The following BCO1 variants were observed in gnomAD, a reference collection of about 807,000 sequenced individuals.
BCO1 encodes the protein beta-carotene oxygenase 1.
In BCO1, 54 loss-of-function variants were observed where a neutral mutation model predicts 56.3. The ratio of observed to expected loss-of-function variants is 0.96; its 90% CI spans 0.77 to 1.20. The LOEUF (loss-of-function observed/expected upper bound fraction) is 1.20. BCO1 is among the 50% of genes most tolerant of loss of function. The pLI is 0.00. For missense variants in BCO1, 801 were observed against 690.9 expected, an observed-to-expected ratio of 1.16 and a Z score of -1.79; for synonymous variants, 318 against 266.1, an observed-to-expected ratio of 1.20 and a Z score of -1.90.
chr16:81,279,358 T>A (rs1907734006), intron 7 of BCO1, among the ~76,000 whole-genome samples: 1 of 152,186 alleles, frequency 6.6e-6, no homozygotes, highest in Non-Finnish European at 1.5e-5. Context: ...ACAATAATGT[T>A]CCATCCTCTT....
chr16:81,288,948 C>T (rs980882684), intron 10 of BCO1, among the ~76,000 whole-genome samples: 2 of 152,224 alleles, frequency 1.3e-5, no homozygotes, highest in African/African-American at 4.8e-5. Context: ...GTGTCACTGT[C>T]ATCTCCAAGG....
chr16:81,290,299 GACTGAAGCCTGCAC>G (rs1567468995), intron 10 of BCO1, 35 bp from the exon 11 acceptor site: 1 of 1,472,782 alleles, frequency 6.8e-7, no homozygotes, highest in Non-Finnish European at 9.5e-7. Context: ...TCATCCCTCC[GACTGAAGCCTGCAC>G]TTTTACGAAG....
At chr16:81,265,366 T>C (rs1906747886) in intron 5 of BCO1, among the ~76,000 whole-genome samples, 2 of 134,536 alleles carry the variant, frequency 1.5e-5, no homozygotes, top group Admixed American at 7.4e-5. Context: ...CATCCACCCA[T>C]CCACCCACCA....
chr16:81,255,423 A>G (rs1906068790), intron 2 of BCO1, among the ~76,000 whole-genome samples: 2 of 152,214 alleles, frequency 1.3e-5, no homozygotes, highest in Admixed American at 1.3e-4. Flanking sequence ...TTTGGTAAAA[A>G]AGTTGGAACC....
At chr16:81,284,036 A>G (rs886262939) in intron 8 of BCO1, among the ~76,000 whole-genome samples, 2 of 151,332 alleles carry the variant, frequency 1.3e-5, no homozygotes, top group African/African-American at 4.9e-5. Context: ...ATACAAAAAA[A>G]AAAAAAAGTA....
chr16:81,290,511 A>G lies in BCO1; in HGVS notation c.1578A>G (p.Lys526=). The G allele has an allele frequency of 6.2e-7, 1 of 1,614,154 alleles. No homozygotes were observed. The highest frequency in any genetic ancestry group is 2.2e-5 in the East Asian group (1 of 44,882). ...TTACAGACATGGACTGGGACACAAA[A>G]AAGCAGGCCGCTTCTGAGGAACAGC... ...LFITDMDWDT[K]KQAASEEQRD... is the part of the protein sequence containing the mutation. The change falls in exon 11 of 11, where the codon AAA becomes AAG. Residue 526 remains lysine, a synonymous_variant. Transcript: ENST00000258168.
At chr16:81,259,197 T>C (rs1449208255) in intron 2 of BCO1, among the ~76,000 whole-genome samples, 1 of 152,168 alleles carries the variant, frequency 6.6e-6, no homozygotes, top group African/African-American at 2.4e-5. Flanking sequence ...AATGTGTGTC[T>C]AAAATTATAT....
intron 2 of BCO1, among the ~76,000 whole-genome samples, chr16:81,258,302 G>C (rs771778182): frequency 2.3e-4 from 35 of 152,186 alleles, no homozygotes; most frequent in Non-Finnish European, 4.6e-4. Context: ...TATATTTTGA[G>C]GTTGGTCTCA....
intron 6 of BCO1, among the ~76,000 whole-genome samples, chr16:81,269,065 CTT>C (rs71146003): frequency 4.0e-4 from 33 of 83,084 alleles, no homozygotes; most frequent in East Asian, 1.5e-3. Context: ...TGCACCTGGT[CTT>C]TTTTTTTTTT....
chr16:81,247,068 A>C (rs893239018), intron 2 of BCO1, among the ~76,000 whole-genome samples: 1 of 152,136 alleles, frequency 6.6e-6, no homozygotes, highest in African/African-American at 2.4e-5. Flanking sequence ...GCTGTTGGCC[A>C]TTGAGCCAGT....
chr16:81,279,290 G>C (rs139713289), intron 7 of BCO1, among the ~76,000 whole-genome samples: 317 of 152,118 alleles, frequency 2.1e-3, no homozygotes, highest in African/African-American at 7.3e-3. Flanking sequence ...AAATAAAATA[G>C]AAGCTATCTT....
At chr16:81,245,152 A>G (rs960513006) in intron 1 of BCO1, among the ~76,000 whole-genome samples, 8 of 152,092 alleles carry the variant, frequency 5.3e-5, no homozygotes, top group African/African-American at 1.9e-4. Context: ...TAGGCTTCCC[A>G]AAGTGCTGGG....
intron 2 of BCO1, among the ~76,000 whole-genome samples, chr16:81,251,874 ATGTGTG>A (rs56069135): frequency 1.4e-5 from 2 of 146,694 alleles, no homozygotes; most frequent in Non-Finnish European, 3.0e-5. Flanking sequence ...ACACACATAT[ATGTGTG>A]TGTGTGTGTG....
chr16:81,274,901 CAAA>C (rs1233485146), intron 7 of BCO1, among the ~76,000 whole-genome samples: 1 of 124,566 alleles, frequency 8.0e-6, no homozygotes, highest in Non-Finnish European at 1.7e-5. Context: ...GACTCCATCT[CAAA>C]AAAAAAAAAA....
In BCO1 at chr16:81,248,405, C is replaced by CAAAAAAAAAA. The variant is rs372084002; in HGVS notation, c.193+2814_193+2823dup. On this transcript the variant is annotated intron_variant, in intron 2 of 10. Transcript: ENST00000258168. ...GCAACAAGAGCGAGGCTCCCTCTCACAAAAAAAAAAAAAAAAAAAAATTAT... is the reference window on the plus strand; with the variant it reads ...GCAACAAGAGCGAGGCTCCCTCTCACAAAAAAAAAAAAAAAAAAAAAAAAAAAAAAATTAT... Among the ~76,000 whole-genome samples the CAAAAAAAAAA allele has an allele frequency of 4.0e-3, 412 of 102,722 alleles. 10 individuals are homozygous for CAAAAAAAAAA. Among genetic ancestry groups the CAAAAAAAAAA allele is most frequent in the African/African-American group, 0.016 (375 of 23,632 alleles). 67.4% of individuals were successfully genotyped at this position (102,722 alleles called of 152,430 possible).
chr16:81,286,848 G>A (rs917173725), intron 9 of BCO1, among the ~76,000 whole-genome samples: 1 of 152,006 alleles, frequency 6.6e-6, no homozygotes, highest in Non-Finnish European at 1.5e-5. Context: ...AGGCTGAGGT[G>A]GGCGGATCAC....
chr16:81,256,740 T>C (rs1303003075), intron 2 of BCO1, among the ~76,000 whole-genome samples: 4 of 151,848 alleles, frequency 2.6e-5, no homozygotes, highest in African/African-American at 7.3e-5. Context: ...ATACAAAAAT[T>C]AGTCGGACAT....
chr16:81,260,196 C>G (rs8044536), intron 3 of BCO1, among the ~76,000 whole-genome samples: 37,740 of 151,526 alleles, frequency 0.25, 5,107 homozygotes, highest in Middle Eastern at 0.39. Context: ...TAAAAGAGGA[C>G]TGGTTAAATC....
intron 9 of BCO1, among the ~76,000 whole-genome samples, chr16:81,286,243 C>T (rs901229349): frequency 1.3e-5 from 2 of 152,118 alleles, no homozygotes; most frequent in Non-Finnish European, 2.9e-5. Flanking sequence ...GGGCACTGTG[C>T]TAAGTGCTGT....
Sources: gnomAD v4.1 joint callset for allele counts (sites outside exome capture counted in the v4.1 genomes callset) on GRCh38, gnomAD v4.1.1 for gene constraint, MANE v1.5 for transcripts, NCBI Gene and HGNC (gene_info 2026-07-23, HGNC 2026-07-21) for gene names.